Variants in AMOT observed in about 807,000 individuals in gnomAD.
AMOT encodes the protein angiomotin.
A neutral mutation model predicts 67.0 loss-of-function variants in AMOT; 11 were observed. The ratio of observed to expected loss-of-function variants is 0.16; its 90% CI spans 0.10 to 0.27. AMOT has a LOEUF of 0.27. Among genes scored for constraint, AMOT ranks in the 10% least tolerant of loss-of-function variants. The pLI is 1.00. For synonymous variants in AMOT, 326 were observed against 321.4 expected (o/e 1.01, Z -0.15); for missense variants, 753 against 852.0 (o/e 0.88, Z 1.45).
chrX:112,803,867 G>A, intron 8 of AMOT, among the ~76,000 whole-genome samples: 1 of 111,884 alleles, frequency 8.9e-6, no homozygotes, highest in East Asian at 2.8e-4. Flanking sequence ...TTATGATGAA[G>A]GCTATTTTTC....
chrX:112,792,093 A>C, intron 8 of AMOT, 112 bp from the exon 9 acceptor site: 1 of 915,162 alleles, frequency 1.1e-6, no homozygotes, highest in Admixed American at 2.7e-5. Flanking sequence ...CTTGTTTTAG[A>C]GTCCAGCTGC....
Position 112,775,076 on chromosome X carries a change from C to G in AMOT, c.*3491G>C, listed in dbSNP as rs1222640812. ...CAGCTATCCATTTTACAAACACATGCCATTAATCACAAGGGAGGCCAGAAG... is the reference window on the plus strand; with the variant it reads ...CAGCTATCCATTTTACAAACACATGGCATTAATCACAAGGGAGGCCAGAAG... On this transcript the variant is annotated 3_prime_UTR_variant, in exon 14 of 14. Coordinates refer to ENST00000371959, the MANE Select transcript of AMOT (RefSeq NM_001113490.2). 6 of 111,903 alleles carry G rather than the reference C, an allele frequency of 5.4e-5. No individual in the cohort carries two copies. Among genetic ancestry groups the G allele is most frequent in the Admixed American group, 1.9e-4 (2 of 10,514 alleles). 9.2% of individuals were successfully genotyped at this position (111,903 alleles called of 1,213,427 possible). A position where few individuals can be genotyped will look rare whatever the true frequency, so the allele number is the denominator to read the frequency against.
intron 10 of AMOT, among the ~76,000 whole-genome samples, chrX:112,784,098 A>G (rs1933289936): frequency 8.9e-6 from 1 of 112,293 alleles, no homozygotes; most frequent in African/African-American, 3.2e-5. Flanking sequence ...AAGAAGGGGA[A>G]AGAATACAAT....
chrX:112,810,018 C>G (rs750377870), intron 6 of AMOT, 32 bp from the exon 7 acceptor site: 1 of 1,119,827 alleles, frequency 8.9e-7, no homozygotes, highest in East Asian at 3.0e-5. Context: ...AACAGGGTCT[C>G]AAATGTAAAC....
At chrX:112,785,290 A>T (rs1933329823) in intron 10 of AMOT, among the ~76,000 whole-genome samples, 2 of 111,774 alleles carry the variant, frequency 1.8e-5, no homozygotes, top group Non-Finnish European at 3.8e-5. Context: ...CTTTTTTTTG[A>T]CGAAGTTATC....
chrX:112,798,451 G>A (rs1057268530), intron 8 of AMOT, among the ~76,000 whole-genome samples: 3 of 112,275 alleles, frequency 2.7e-5, no homozygotes, highest in African/African-American at 6.5e-5. Flanking sequence ...GGGATGTAGC[G>A]GGAAACAAGA....
At chrX:112,805,370 T>TACACACAC (rs55909349) in intron 7 of AMOT, among the ~76,000 whole-genome samples, 9 of 89,581 alleles carry the variant, frequency 1.0e-4, no homozygotes, top group Non-Finnish European at 1.8e-4. Flanking sequence ...ATACAAAGAA[T>TACACACAC]ACACACACAC....
At chrX:112,836,172 A>T (rs1401955697) in intron 1 of AMOT, among the ~76,000 whole-genome samples, 1 of 111,841 alleles carries the variant, frequency 8.9e-6, no homozygotes, top group Non-Finnish European at 1.9e-5. Context: ...TTCCACTCAA[A>T]TTTATACTCA....
intron 8 of AMOT, among the ~76,000 whole-genome samples, chrX:112,796,215 A>T (rs1398896894): frequency 8.9e-6 from 1 of 111,806 alleles, no homozygotes; most frequent in African/African-American, 3.3e-5. Context: ...TAAAAACAAA[A>T]GTTTTGCTTT....
chrX:112,810,469 G>A (rs1056205683), intron 6 of AMOT, among the ~76,000 whole-genome samples: 1 of 111,732 alleles, frequency 8.9e-6, no homozygotes, highest in African/African-American at 3.3e-5. Flanking sequence ...AGCACTTTGG[G>A]AGGCCACGGT....
intron 5 of AMOT, among the ~76,000 whole-genome samples, chrX:112,814,215 T>G (rs1395842180): frequency 9.4e-6 from 1 of 106,055 alleles, no homozygotes; most frequent in Non-Finnish European, 1.9e-5. Flanking sequence ...GAAGTTGCAG[T>G]GAGTGGAGAT....
intron 10 of AMOT, among the ~76,000 whole-genome samples, chrX:112,788,204 G>A (rs1444074035): frequency 9.1e-6 from 1 of 109,306 alleles, no homozygotes; most frequent in Non-Finnish European, 1.9e-5. Context: ...TAGGAGAATG[G>A]CATGAACCCG....
chrX:112,799,434 G>A (rs988602803), intron 8 of AMOT, among the ~76,000 whole-genome samples: 1 of 112,045 alleles, frequency 8.9e-6, no homozygotes, highest in African/African-American at 3.2e-5. Context: ...TGCCTTCATT[G>A]TCTAATTTTC....
At chrX:112,836,801 C>T (rs773229196) in intron 1 of AMOT, among the ~76,000 whole-genome samples, 1 of 107,051 alleles carries the variant, frequency 9.3e-6, no homozygotes, top group Non-Finnish European at 1.9e-5. Flanking sequence ...CAATCATTCA[C>T]ATTCATACTA....
At chrX:112,821,735 C>T (rs1378604660) in intron 4 of AMOT, among the ~76,000 whole-genome samples, 1 of 112,068 alleles carries the variant, frequency 8.9e-6, no homozygotes, top group Non-Finnish European at 1.9e-5. Flanking sequence ...GCTCCCCCAC[C>T]ATAACATCTG....
Position 112,777,434 on chromosome X carries a change from C to G in AMOT, c.*1133G>C, listed in dbSNP as rs150067152. 210 of 112,188 alleles carry G rather than the reference C, an allele frequency of 1.9e-3. 2 individuals are homozygous for G. Among genetic ancestry groups the G allele is most frequent in the African/African-American group, 6.5e-3 (199 of 30,842 alleles). The allele number at this position is 112,188 out of a possible 1,213,427, so 9.2% of individuals were successfully genotyped here. A position where few individuals can be genotyped will look rare whatever the true frequency, so the allele number is the denominator to read the frequency against. ...ATACTGCTGCAATCCACCTCTCCCC[C>G]GACTGCAGCATAGTACTTTGGGTTT... On this transcript the variant is annotated 3_prime_UTR_variant, in exon 14 of 14. Transcript: ENST00000371959.
At chrX:112,834,365 T>C (rs1935080108) in intron 1 of AMOT, among the ~76,000 whole-genome samples, 1 of 111,474 alleles carries the variant, frequency 9.0e-6, no homozygotes, top group Non-Finnish European at 1.9e-5. Flanking sequence ...TCAAAAAGAT[T>C]GAAATGTGAA....
intron 5 of AMOT, among the ~76,000 whole-genome samples, chrX:112,814,272 CAA>C (rs772491383): frequency 2.3e-4 from 13 of 57,154 alleles, no homozygotes; most frequent in Middle Eastern, 0.014. Context: ...GACTCCGTCT[CAA>C]AAAAAAAAAA....
rs761249100 is a variant in AMOT, at chrX:112,810,048, GC to G, written c.1538-63del. On this transcript the variant is annotated intron_variant, in intron 6 of 13. Coordinates refer to ENST00000371959, the MANE Select transcript of AMOT (RefSeq NM_001113490.2). The stretch of plus-strand genomic sequence containing the variant: ...GTAAACTTTCATGCACATACTATTG[GC>G]CCTCTAAATACTGACCTTTGGTAAA... The G allele has an allele frequency of 3.4e-4, 317 of 946,121 alleles. 2 individuals are homozygous for G. Among genetic ancestry groups the G allele is most frequent in the Non-Finnish European group, 4.2e-4 (280 of 666,257 alleles). 78.0% of individuals were successfully genotyped at this position (946,121 alleles called of 1,213,427 possible).
Sources: allele counts gnomAD v4.1 joint callset (sites outside exome capture counted in the v4.1 genomes callset), GRCh38; gene constraint gnomAD v4.1.1; transcripts MANE v1.5; gene names NCBI Gene and HGNC (gene_info 2026-07-23, HGNC 2026-07-21).